CCDC91: variants seen among roughly 807,000 people sequenced by gnomAD.
The protein encoded by CCDC91 is coiled-coil domain-containing protein 91.
In CCDC91, 48 loss-of-function variants were observed where a neutral mutation model predicts 63.2. That is an observed-to-expected ratio of 0.76 (90% confidence interval 0.60 to 0.97). The LOEUF (loss-of-function observed/expected upper bound fraction) is 0.97, where lower values mean the gene tolerates loss of function less well. Among genes scored for constraint, CCDC91 ranks in the 50% least tolerant of loss-of-function variants. CCDC91 has a pLI of 0.00. For missense variants in CCDC91, 500 were observed against 494.6 expected, an observed-to-expected ratio of 1.01 and a Z score of -0.10; for synonymous variants, 167 against 165.8, an observed-to-expected ratio of 1.01 and a Z score of -0.06.
At chr12:28,481,438 G>T (rs1385193406) in intron 11 of CCDC91, among the ~76,000 whole-genome samples, 2 of 151,964 alleles carry the variant, frequency 1.3e-5, no homozygotes. Context: ...ATACTTTTCA[G>T]AATTTCCTGT....
chr12:28,402,601 AAT>A (rs1491104385), intron 8 of CCDC91, among the ~76,000 whole-genome samples: 2 of 147,302 alleles, frequency 1.4e-5, no homozygotes, highest in Admixed American at 1.4e-4. Context: ...AAAAAAAAAA[AAT>A]TATTTCTTTC....
intron 1 of CCDC91, among the ~76,000 whole-genome samples, chr12:28,209,261 AACCTTT>A (rs1203063264): frequency 2.0e-5 from 3 of 152,314 alleles, no homozygotes; most frequent in Non-Finnish European, 4.4e-5. Flanking sequence ...GATTCTCATA[AACCTTT>A]TATAACCTTT....
rs183408009 is a variant in CCDC91 at position 28,425,668 on chromosome 12, C to T, written c.763-24493C>T. ...CCTAATTTTTTACTCTGACACCTGA[C>T]ACTTGAGTGCTCATGGAACTCTCTC... On this transcript the variant is annotated intron_variant, in intron 8 of 12. Transcript: ENST00000536442. Among the ~76,000 whole-genome samples, 204 of 152,312 alleles carry T rather than the reference C, an allele frequency of 1.3e-3. 3 individuals are homozygous for T. The highest frequency in any genetic ancestry group is 0.013 in the Admixed American group (203 of 15,290).
At chr12:28,446,993 C>T (rs894485754) in intron 8 of CCDC91, among the ~76,000 whole-genome samples, 1 of 152,088 alleles carries the variant, frequency 6.6e-6, no homozygotes, top group Non-Finnish European at 1.5e-5. Flanking sequence ...AGGGGAGTCT[C>T]CTTTGCCCGT....
At chr12:28,274,174 G>A (rs1053318041) in intron 3 of CCDC91, among the ~76,000 whole-genome samples, 3 of 152,052 alleles carry the variant, frequency 2.0e-5, no homozygotes, top group African/African-American at 7.2e-5. Flanking sequence ...TATTTCTGAG[G>A]GCTCTGTTCT....
At chr12:28,285,458 C>T (rs927014446) in intron 3 of CCDC91, among the ~76,000 whole-genome samples, 1 of 151,588 alleles carries the variant, frequency 6.6e-6, no homozygotes, top group Non-Finnish European at 1.5e-5. Flanking sequence ...TACTCAAGGT[C>T]CATTCTCTCC....
chr12:28,417,620 G>GAGAT (rs1555208046), intron 8 of CCDC91, among the ~76,000 whole-genome samples: 7 of 139,766 alleles, frequency 5.0e-5, no homozygotes, highest in Admixed American at 1.4e-4. Context: ...GAACCTTTGA[G>GAGAT]ATATATATAT....
chr12:28,389,543 T>A (rs1377661530), intron 7 of CCDC91, among the ~76,000 whole-genome samples: 1 of 152,122 alleles, frequency 6.6e-6, no homozygotes, highest in Non-Finnish European at 1.5e-5. Context: ...AAGACTACCT[T>A]ATTCAAATTG....
chr12:28,421,713 C>A (rs1439136713), intron 8 of CCDC91, among the ~76,000 whole-genome samples: 1 of 151,974 alleles, frequency 6.6e-6, no homozygotes, highest in Non-Finnish European at 1.5e-5. Context: ...AACACTGTAA[C>A]ATAGAAATTC....
At chr12:28,259,464 G>GTTTTTTTTTTTTTTTTTTTT (rs199541046) in intron 3 of CCDC91, 22 bp downstream of exon 3, 3 of 1,094,934 alleles carry the variant, frequency 2.7e-6, no homozygotes, top group Non-Finnish European at 1.3e-6. Context: ...CAGGAATTAG[G>GTTTTTTTTTTTTTTTTTTTT]GTTTTTTTTT....
At chr12:28,337,955 G>A (rs991214041) in intron 6 of CCDC91, among the ~76,000 whole-genome samples, 4 of 151,874 alleles carry the variant, frequency 2.6e-5, no homozygotes, top group South Asian at 2.1e-4. Context: ...ATAATTTAAT[G>A]CATCATTAAT....
At chr12:28,251,429 A>C (rs182176898) in intron 1 of CCDC91, among the ~76,000 whole-genome samples, 2 of 152,208 alleles carry the variant, frequency 1.3e-5, no homozygotes, top group East Asian at 3.9e-4. Flanking sequence ...TGTTGAGTAA[A>C]TGCAAATTTA....
chr12:28,348,908 G>A (rs1376420434), intron 6 of CCDC91, among the ~76,000 whole-genome samples: 2 of 152,030 alleles, frequency 1.3e-5, no homozygotes, highest in African/African-American at 4.8e-5. Context: ...ACTTTTTGTA[G>A]AGACGGTGTT....
At chr12:28,330,761 A>T (rs995080286) in intron 6 of CCDC91, among the ~76,000 whole-genome samples, 44 of 152,186 alleles carry the variant, frequency 2.9e-4, no homozygotes, top group Non-Finnish European at 1.5e-5. Flanking sequence ...CTTGATGGGC[A>T]CACTATAGGG....
chr12:28,236,177 T>C (rs754333609), intron 1 of CCDC91: 2 of 152,068 alleles, frequency 1.3e-5, no homozygotes, highest in Non-Finnish European at 2.9e-5. Flanking sequence ...ATGAACATAA[T>C]TAATGATGAT....
chr12:28,517,789 C>T (rs964546648), intron 12 of CCDC91, among the ~76,000 whole-genome samples: 7 of 151,732 alleles, frequency 4.6e-5, no homozygotes, highest in Admixed American at 4.6e-4. Context: ...CACCTCCTTC[C>T]CACCCTTTCC....
chr12:28,437,094 T>G (rs933621846), intron 8 of CCDC91, among the ~76,000 whole-genome samples: 3 of 152,058 alleles, frequency 2.0e-5, no homozygotes, highest in Non-Finnish European at 4.4e-5. Context: ...TTTAGATTGT[T>G]ATTAAAACAA....
chr12:28,257,315 A>C, intron 2 of CCDC91, 70 bp downstream of exon 2: 1 of 943,038 alleles, frequency 1.1e-6, no homozygotes, highest in Non-Finnish European at 1.7e-6. Flanking sequence ...TATTTTGAAA[A>C]TGTATTATAT....
chr12:28,381,121 T>A (rs932160981), intron 7 of CCDC91, among the ~76,000 whole-genome samples: 1 of 152,152 alleles, frequency 6.6e-6, no homozygotes, highest in African/African-American at 2.4e-5. Flanking sequence ...GAATAGATAT[T>A]GAGAATGGTT....
Sources: gnomAD v4.1 joint callset for allele counts (sites outside exome capture counted in the v4.1 genomes callset) on GRCh38, gnomAD v4.1.1 for gene constraint, MANE v1.5 for transcripts, NCBI Gene and HGNC (gene_info 2026-07-23, HGNC 2026-07-21) for gene names.